LMNTD1: variants seen among roughly 807,000 people sequenced by gnomAD.
The protein encoded by LMNTD1 is lamin tail domain-containing protein 1.
Under a neutral mutation model 50.9 loss-of-function variants are expected in LMNTD1, and 35 were observed. That is an observed-to-expected ratio of 0.69 (90% CI 0.53 to 0.91). The LOEUF is 0.91. Ranked by LOEUF, LMNTD1 falls within the 40% of genes least tolerant of loss-of-function variation. The pLI, the probability that LMNTD1 is intolerant of heterozygous loss-of-function variation, is 0.00. For synonymous variants in LMNTD1, 153 were observed against 161.9 expected, an observed-to-expected ratio of 0.94 and a Z score of 0.42; for missense variants, 470 against 475.5, an observed-to-expected ratio of 0.99 and a Z score of 0.11.
chr12:25,499,205 G>T (rs889901055), intron 9 of LMNTD1, among the ~76,000 whole-genome samples: 2 of 152,046 alleles, frequency 1.3e-5, no homozygotes, highest in East Asian at 1.9e-4. Context: ...TCAAGTAACT[G>T]GGACTACAGC....
At chr12:25,631,781 G>A (rs1437626141) in intron 1 of LMNTD1, among the ~76,000 whole-genome samples, 1 of 152,070 alleles carries the variant, frequency 6.6e-6, no homozygotes, top group East Asian at 1.9e-4. Flanking sequence ...CATCAGCAAT[G>A]CATCCAAACC....
intron 4 of LMNTD1, among the ~76,000 whole-genome samples, chr12:25,539,643 C>T (rs1942898036): frequency 6.6e-6 from 1 of 151,056 alleles, no homozygotes; most frequent in South Asian, 2.1e-4. Context: ...AAATTGATAC[C>T]CTAACATCAC....
chr12:25,527,267 A>G (rs1463427032), intron 4 of LMNTD1, among the ~76,000 whole-genome samples: 1 of 152,094 alleles, frequency 6.6e-6, no homozygotes, highest in African/African-American at 2.4e-5. Context: ...CCTACTGTTC[A>G]AGATAAAATC....
intron 4 of LMNTD1, among the ~76,000 whole-genome samples, chr12:25,542,116 T>G (rs1045371271): frequency 6.6e-6 from 1 of 150,476 alleles, no homozygotes; most frequent in African/African-American, 2.4e-5. Flanking sequence ...ACTTTTACAC[T>G]GTTGGTGGGA....
chr12:25,519,938 T>C lies in LMNTD1; in HGVS notation c.936A>G (p.Thr312=), dbSNP rs1293025247. The C allele has an allele frequency of 1.2e-6, 2 of 1,613,188 alleles. No individual in the cohort carries two copies. Among genetic ancestry groups the C allele is most frequent in the Non-Finnish European group, 1.7e-6 (2 of 1,179,630 alleles). ...GTTGATCTTGTTTTTCTTTAGTTAT[T>C]GTAGCTGTAGATGCTGTCCACTGAA... ...RVFQWTASTA[T]ITKEKQDQPK... is the part of the protein sequence containing the mutation. The change falls in exon 7 of 10, where the codon ACA becomes ACG. Residue 312 remains threonine (T), a synonymous_variant. Coordinates refer to ENST00000458174, the MANE Select transcript of LMNTD1 (RefSeq NM_001145728.2).
At chr12:25,566,604 G>A (rs991289196) in intron 1 of LMNTD1, among the ~76,000 whole-genome samples, 10 of 152,160 alleles carry the variant, frequency 6.6e-5, no homozygotes, top group Admixed American at 1.3e-4. Flanking sequence ...GGCTTTAGGC[G>A]CAAATATAAG....
intron 8 of LMNTD1, 84 bp downstream of exon 8, chr12:25,518,711 A>G: frequency 8.1e-7 from 1 of 1,236,038 alleles, no homozygotes; most frequent in East Asian, 2.3e-5. Flanking sequence ...CACTTAGCAC[A>G]TTTTAACCAC....
intron 9 of LMNTD1, among the ~76,000 whole-genome samples, chr12:25,500,872 G>GGA (rs1244327862): frequency 6.6e-6 from 1 of 152,154 alleles, no homozygotes; most frequent in African/African-American, 2.4e-5. Context: ...TACTGAGTAA[G>GGA]GAGAGCATTT....
chr12:25,554,353 C>A (rs891496855), upstream of LMNTD1, among the ~76,000 whole-genome samples: 4 of 152,174 alleles, frequency 2.6e-5, no homozygotes, highest in African/African-American at 9.7e-5. Context: ...TATCAGAGAG[C>A]CTGCTCATAT....
intron 6 of LMNTD1, among the ~76,000 whole-genome samples, chr12:25,522,576 C>T (rs1293363267): frequency 3.3e-5 from 5 of 151,938 alleles, no homozygotes; most frequent in African/African-American, 1.2e-4. Flanking sequence ...TTTTTTTCCC[C>T]AAGATACTGA....
chr12:25,562,397 C>T (rs1185373797), intron 1 of LMNTD1, among the ~76,000 whole-genome samples: 2 of 152,194 alleles, frequency 1.3e-5, no homozygotes, highest in Non-Finnish European at 2.9e-5. Flanking sequence ...ACTTATGAAG[C>T]TTAGTTTGGC....
chr12:25,628,107 C>CAAAA (rs58780549), intron 1 of LMNTD1, among the ~76,000 whole-genome samples: 8 of 52,464 alleles, frequency 1.5e-4, no homozygotes, highest in African/African-American at 2.5e-4. Context: ...AACTCCGTCT[C>CAAAA]AAAAAAAAAA....
At position 25,529,092 on chromosome 12, in the gene LMNTD1, C is replaced by T. The variant is rs957063219; in HGVS notation, c.492-2137G>A. Among the ~76,000 whole-genome samples the T allele has an allele frequency of 6.6e-4, 100 of 152,136 alleles. 7 individuals carry two copies. On this transcript the variant is annotated intron_variant, in intron 4 of 9. Coordinates refer to ENST00000458174, the MANE Select transcript of LMNTD1 (RefSeq NM_001145728.2). The stretch of plus-strand genomic sequence containing the variant: ...CTGTTAGTCTATATCTTCATGTCTC[C>T]TCAGTATTGGCCTCTTTTTGGAAAC...
At chr12:25,526,268 T>C (rs1565972877) in intron 5 of LMNTD1, 50 bp from the exon 6 acceptor site, 3 of 1,578,010 alleles carry the variant, frequency 1.9e-6, no homozygotes, top group African/African-American at 2.7e-5. Context: ...AACACAATTT[T>C]GTAAATGTCA....
At chr12:25,535,267 T>C (rs1942502979) in intron 4 of LMNTD1, among the ~76,000 whole-genome samples, 1 of 151,386 alleles carries the variant, frequency 6.6e-6, no homozygotes, top group African/African-American at 2.4e-5. Context: ...AAAGAAACAA[T>C]CAGAGGAAAA....
In LMNTD1 at chr12:25,527,640, CTATATATA is replaced by C. The variant is rs61347000; in HGVS notation, c.492-693_492-686del. On this transcript the variant is annotated intron_variant, in intron 4 of 9. Coordinates refer to ENST00000458174, the MANE Select transcript of LMNTD1 (RefSeq NM_001145728.2). ...CTTATATGCCAGGCACTTAATAACA[CTATATATA>C]TATATATATATATATATATATATAT... 5.3e-3 allele frequency among the ~76,000 whole-genome samples: 325 copies of C among 61,534 alleles called. 1 individual carries two copies. Among genetic ancestry groups the C allele is most frequent in the Middle Eastern group, 8.9e-3 (1 of 112 alleles). 40.4% of individuals were successfully genotyped at this position (61,534 alleles called of 152,430 possible).
At chr12:25,608,813 C>T (rs993712735) in intron 1 of LMNTD1, among the ~76,000 whole-genome samples, 1 of 152,122 alleles carries the variant, frequency 6.6e-6, no homozygotes, top group African/African-American at 2.4e-5. Flanking sequence ...GGTTGCTCTT[C>T]TTGAGGAGTA....
chr12:25,565,135 G>A (rs2136323096), intron 1 of LMNTD1, among the ~76,000 whole-genome samples: 2 of 151,776 alleles, frequency 1.3e-5, no homozygotes, highest in Non-Finnish European at 2.9e-5. Context: ...CATGAAGTGT[G>A]TTTCAGCCAC....
chr12:25,536,766 G>C (rs1311180269), intron 4 of LMNTD1, among the ~76,000 whole-genome samples: 3 of 152,272 alleles, frequency 2.0e-5, no homozygotes, highest in Non-Finnish European at 2.9e-5. Flanking sequence ...ACAGCTCCCA[G>C]CCTGAGCGAC....
Sources: gnomAD v4.1 joint callset for allele counts (sites outside exome capture counted in the v4.1 genomes callset) on GRCh38, gnomAD v4.1.1 for gene constraint, MANE v1.5 for transcripts, NCBI Gene and HGNC (gene_info 2026-07-23, HGNC 2026-07-21) for gene names.